R3HCC1: variants seen among roughly 807,000 people sequenced by gnomAD.
R3HCC1 encodes R3H and coiled-coil domain-containing protein 1.
A neutral mutation model predicts 40.0 loss-of-function variants in R3HCC1; 32 were observed. The ratio of observed to expected loss-of-function variants is 0.80; its 90% CI spans 0.60 to 1.07. R3HCC1 has a LOEUF of 1.07. Among genes scored for constraint, R3HCC1 ranks in the 50% least tolerant of loss-of-function variants. R3HCC1 has a pLI of 0.00. For synonymous variants in R3HCC1, 237 were observed against 232.8 expected (o/e 1.02, Z -0.17); for missense variants, 586 against 563.3 (o/e 1.04, Z -0.41).
chr8:23,292,219 C>T (rs911013702), intron 5 of R3HCC1, among the ~76,000 whole-genome samples: 16 of 152,130 alleles, frequency 1.1e-4, no homozygotes, highest in Non-Finnish European at 2.2e-4. Context: ...CCTCAACCTC[C>T]TGGGCTCAAG....
Position 23,293,286 on chromosome 8 carries a change from C to G in R3HCC1, c.1026-17C>G. ...GCTTGCTTTCCTGAATGTGCTGTCT[C>G]CTCTCTCGCCGCACAGAGAGAAGGG... On this transcript the variant is annotated splice_polypyrimidine_tract_variant and intron_variant, in intron 5 of 7. Transcript: ENST00000265806. 1 of 1,548,604 alleles carries G rather than the reference C, an allele frequency of 6.5e-7. No homozygotes were observed. The highest frequency in any genetic ancestry group is 8.7e-7 in the Non-Finnish European group (1 of 1,144,624).
rs1314733420 is a variant in R3HCC1, at chr8:23,289,046, C to A, written c.141C>A (p.Arg47=). ...TTCTTTTCCCCCCACTCTCCAGTCGCCTCCGGTACCTGATCCATAGAACAG... is the reference window on the plus strand; with the variant it reads ...TTCTTTTCCCCCCACTCTCCAGTCGACTCCGGTACCTGATCCATAGAACAG... Residue 47 remains arginine (R), a synonymous_variant, in exon 3 of 8, where the codon CGC becomes CGA. Coordinates refer to ENST00000265806, the MANE Select transcript of R3HCC1 (RefSeq NM_001136108.3). 5 of 1,536,556 alleles carry A rather than the reference C, an allele frequency of 3.3e-6. No homozygotes were observed. The East Asian group carries it at 9.8e-5, about 30-fold the overall frequency.
Position 23,291,400 on chromosome 8 carries a change from A to G in R3HCC1, c.892A>G (p.Lys298Glu). ...GACGAAGAAGGAGATTCAGATAGAG[A>G]AGATCCATTTGGACACATCCTCCTT... is the stretch of plus-strand genomic sequence containing the variant. Residue 298 changes from lysine (K) to glutamate (E), a missense_variant, in exon 5 of 8, where the codon AAG (lysine) becomes GAG (glutamate). Coordinates refer to ENST00000265806, the MANE Select transcript of R3HCC1 (RefSeq NM_001136108.3). 1 of 1,551,806 alleles carries G rather than the reference A, an allele frequency of 6.4e-7. No homozygotes were observed. Among genetic ancestry groups the G allele is most frequent in the Non-Finnish European group, 8.7e-7 (1 of 1,146,970 alleles).
intron 6 of R3HCC1, among the ~76,000 whole-genome samples, chr8:23,293,804 T>C (rs893949664): frequency 6.6e-5 from 10 of 152,172 alleles, no homozygotes; most frequent in East Asian, 3.9e-4. Flanking sequence ...GTTACCTCCA[T>C]TGTACAGCTG....
rs1344392743 is a variant in R3HCC1 at position 23,289,063 on chromosome 8, A to G, written c.158A>G (p.His53Arg). The G allele has an allele frequency of 2.0e-6, 3 of 1,536,460 alleles. No individual in the cohort carries two copies. The highest frequency in any genetic ancestry group is 2.6e-6 in the Non-Finnish European group (3 of 1,147,016). Residue 53 changes from histidine (H) to arginine (R), a missense_variant, in exon 3 of 8, where the codon CAT becomes CGT. By Grantham distance (29) the His-to-Arg change is conservative. Coordinates refer to ENST00000265806, the MANE Select transcript of R3HCC1 (RefSeq NM_001136108.3). ...TCCAGTCGCCTCCGGTACCTGATCC[A>G]TAGAACAGCAGAGAATTTTGATCTC...
intron 3 of R3HCC1, among the ~76,000 whole-genome samples, 162 bp from the exon 4 acceptor site, chr8:23,289,703 CT>C (rs1187753593): frequency 6.6e-6 from 1 of 152,256 alleles, no homozygotes; most frequent in African/African-American, 2.4e-5. Flanking sequence ...AAGTGACAGC[CT>C]CCACTGTGAT....
rs1349320161 is a variant in R3HCC1, at chr8:23,288,507, C to G, written c.-17C>G. 11 of 1,535,952 alleles carry G rather than the reference C, an allele frequency of 7.2e-6. No homozygotes were observed. In the South Asian group the frequency reaches 1.2e-4, roughly 17 times the overall value. ...CGGCCCTGCCCGTCTCTCTTACAGG[C>G]TCTCCCACCTGTCACCCTGGCCCTT... On this transcript the variant is annotated splice_region_variant and 5_prime_UTR_variant, in exon 2 of 8. Transcript: ENST00000265806.
chr8:23,288,443 C>T, intron 1 of R3HCC1, 63 bp from the exon 2 acceptor site: 2 of 1,520,392 alleles, frequency 1.3e-6, no homozygotes, highest in East Asian at 2.5e-5. Flanking sequence ...GCCGGCGTTG[C>T]GGGGTCGCGG....
intron 3 of R3HCC1, 69 bp downstream of exon 3, chr8:23,289,222 T>C: frequency 6.6e-7 from 1 of 1,506,554 alleles, no homozygotes; most frequent in Non-Finnish European, 8.9e-7. Flanking sequence ...TGGTCAGCCT[T>C]TGGAAGGGCA....
chr8:23,293,750 A>G (rs919169868), intron 6 of R3HCC1, among the ~76,000 whole-genome samples: 3 of 152,230 alleles, frequency 2.0e-5, no homozygotes, highest in Non-Finnish European at 4.4e-5. Context: ...TCAAGTAGAC[A>G]CATTCTTACT....
At chr8:23,291,580 A>T in intron 5 of R3HCC1, 47 bp downstream of exon 5, 1 of 1,541,158 alleles carries the variant, frequency 6.5e-7, no homozygotes, top group Non-Finnish European at 8.8e-7. Context: ...GAGCTAAGAT[A>T]CTTCTCTGTA....
intron 7 of R3HCC1, chr8:23,295,719 A>G (rs1802996009): frequency 5.3e-6 from 3 of 571,260 alleles, no homozygotes; most frequent in Non-Finnish European, 6.2e-6. Flanking sequence ...CAGCCCCCTC[A>G]CTGTAGAGAC....
chr8:23,296,143 G>A lies in R3HCC1; in HGVS notation c.*46G>A, dbSNP rs772142942. 1.3e-5 allele frequency: 20 copies of A among 1,526,768 alleles called. No homozygotes were observed. The highest frequency in any genetic ancestry group is 1.6e-5 in the Non-Finnish European group (18 of 1,134,698). The allele number at this position is 1,526,768 out of a possible 1,614,324, so 94.6% of individuals were successfully genotyped here. A position where few individuals can be genotyped will look rare whatever the true frequency, so the allele number is the denominator to read the frequency against. ...CTGGATCTGCGTCCCGACGTAGCTGGCGCCCCCAACACCATAAGCCTTCAC... is the reference window on the plus strand; with the variant it reads ...CTGGATCTGCGTCCCGACGTAGCTGACGCCCCCAACACCATAAGCCTTCAC... On this transcript the variant is annotated 3_prime_UTR_variant, in exon 8 of 8. Transcript: ENST00000265806.
intron 2 of R3HCC1, 128 bp downstream of exon 2, chr8:23,288,761 C>T: frequency 8.5e-7 from 1 of 1,178,634 alleles, no homozygotes; most frequent in Non-Finnish European, 1.2e-6. Flanking sequence ...CTTTATAACG[C>T]CAGCTGCCTC....
chr8:23,296,065 C>T lies in R3HCC1; in HGVS notation c.1291C>T (p.Arg431Trp), dbSNP rs980327879. ...GGGACTCCAACACAAAAAGAAAGAG[C>T]GGCCTGCTGTCCGGGGTCCGCTGCC... The change falls in exon 8 of 8, where the codon CGG (arginine) becomes TGG (tryptophan). Residue 431 changes from arginine (R) to tryptophan (W), a missense_variant. Coordinates refer to ENST00000265806, the MANE Select transcript of R3HCC1 (RefSeq NM_001136108.3). 31 of 1,550,434 alleles carry T rather than the reference C, an allele frequency of 2.0e-5. No homozygotes were observed. The highest frequency in any genetic ancestry group is 1.6e-4 in the African/African-American group (12 of 73,038).
intron 5 of R3HCC1, among the ~76,000 whole-genome samples, chr8:23,291,876 C>T (rs550748716): frequency 1.9e-3 from 293 of 152,312 alleles, no homozygotes; most frequent in African/African-American, 6.8e-3. Context: ...AGCGGCTGCT[C>T]AGTGTGTCTC....
At chr8:23,288,994 A>C (rs1249322209) in intron 2 of R3HCC1, 22 bp from the exon 3 acceptor site, 15 of 1,535,890 alleles carry the variant, frequency 9.8e-6, no homozygotes, top group Admixed American at 5.9e-5. Flanking sequence ...CCTGCTCAGC[A>C]CTTCTTCCCC....
In R3HCC1 at chr8:23,294,786, C is replaced by G. The variant is rs1168676375; in HGVS notation, c.1114C>G (p.Arg372Gly). The G allele has an allele frequency of 1.3e-6, 2 of 1,551,102 alleles. No individual in the cohort carries two copies. Among genetic ancestry groups the G allele is most frequent in the Admixed American group, 2.0e-5 (1 of 50,970 alleles). The change falls in exon 7 of 8, where the codon CGG becomes GGG. Residue 372 changes from arginine (R) to glycine (G), a missense_variant. Physicochemically the swap from Arg to Gly is moderately radical, Grantham distance 125. Transcript: ENST00000265806. ...TTCCACAGCTGCGGAAGCCCTGACC[C>G]GGGAGTTCTCGGTGCTCAAGATCCG...
In R3HCC1 at chr8:23,290,061, A is replaced by T. The variant is rs1439940941; in HGVS notation, c.444A>T (p.Glu148Asp). The T allele has an allele frequency of 1.3e-6, 2 of 1,548,116 alleles. No homozygotes were observed. Among genetic ancestry groups the T allele is most frequent in the South Asian group, 2.4e-5 (2 of 84,064 alleles). The change falls in exon 4 of 8, where the codon GAA becomes GAT. Residue 148 changes from glutamate (E) to aspartate (D), a missense_variant. Glu to Asp is a conservative substitution (Grantham distance 45, BLOSUM62 2). Transcript: ENST00000265806. ...CCCGGGTGCTGCGCAGGCAGGAAGA[A>T]TGGGGGCTGACCTCTACCTCGGTGC... is the stretch of plus-strand genomic sequence containing the variant.
Sources: gnomAD v4.1 joint callset for allele counts (sites outside exome capture counted in the v4.1 genomes callset) on GRCh38, gnomAD v4.1.1 for gene constraint, MANE v1.5 for transcripts, NCBI Gene and HGNC (gene_info 2026-07-23, HGNC 2026-07-21) for gene names.